Variants in GTF2A1 observed in about 807,000 individuals in gnomAD.
GTF2A1 encodes transcription initiation factor IIA subunit 1.
Under a neutral mutation model 54.1 loss-of-function variants are expected in GTF2A1, and 12 were observed. The observed-to-expected ratio is 0.22, with a 90% CI of 0.14 to 0.36. The LOEUF (loss-of-function observed/expected upper bound fraction) is 0.36, where lower values mean the gene tolerates loss of function less well. Ranked by LOEUF, GTF2A1 falls within the 10% of genes least tolerant of loss-of-function variation. The pLI, the probability that GTF2A1 is intolerant of heterozygous loss-of-function variation, is 1.00. For synonymous variants in GTF2A1, 145 were observed against 152.0 expected (o/e 0.95, Z 0.34); for missense variants, 335 against 442.2 (o/e 0.76, Z 2.17).
intron 7 of GTF2A1, among the ~76,000 whole-genome samples, chr14:81,187,071 T>C (rs1892765707): frequency 1.3e-5 from 2 of 152,286 alleles, no homozygotes; most frequent in South Asian, 4.1e-4. Flanking sequence ...AAAAATTTTC[T>C]ACACCAGGCG....
Position 81,195,632 on chromosome 14 carries a change from G to GAAA in GTF2A1, c.612+473_612+475dup, listed in dbSNP as rs34366586. Among the ~76,000 whole-genome samples the GAAA allele has an allele frequency of 9.2e-4, 109 of 118,496 alleles. 2 individuals carry two copies. Among genetic ancestry groups the GAAA allele is most frequent in the African/African-American group, 1.5e-3 (45 of 30,448 alleles). The allele number at this position is 118,496 out of a possible 152,430, so 77.7% of individuals were successfully genotyped here. A position where few individuals can be genotyped will look rare whatever the true frequency, so the allele number is the denominator to read the frequency against. On this transcript the variant is annotated intron_variant, in intron 6 of 8. Transcript: ENST00000553612. ...GGGTGAAAGAGCAAGACTCTGTCTC[G>GAAA]AAAAAAAAAAAAAAAAGAAAAGAAA...
intron 5 of GTF2A1, 145 bp from the exon 6 acceptor site, chr14:81,196,386 A>G: frequency 1.3e-6 from 1 of 769,284 alleles, no homozygotes; most frequent in Non-Finnish European, 2.1e-6. Flanking sequence ...TCATTCATAC[A>G]CAGTATGCAT....
At chr14:81,212,996 A>T (rs1219389653) in intron 2 of GTF2A1, among the ~76,000 whole-genome samples, 1 of 152,250 alleles carries the variant, frequency 6.6e-6, no homozygotes, top group African/African-American at 2.4e-5. Context: ...GAGAATTAAA[A>T]TAACAAACTC....
At chr14:81,217,691 C>T (rs922816538) in intron 1 of GTF2A1, among the ~76,000 whole-genome samples, 1 of 152,114 alleles carries the variant, frequency 6.6e-6, no homozygotes, top group African/African-American at 2.4e-5. Flanking sequence ...GCTTGGGAGG[C>T]TGAGGTGGGA....
chr14:81,206,377 T>A (rs1403159465), intron 2 of GTF2A1, among the ~76,000 whole-genome samples: 1 of 152,172 alleles, frequency 6.6e-6, no homozygotes, highest in Non-Finnish European at 1.5e-5. Flanking sequence ...ATGTAGTGAC[T>A]CAACTCTTGA....
At position 81,190,106 on chromosome 14, in the gene GTF2A1, T is replaced by C. The variant is rs372496872; in HGVS notation, c.933+2413A>G. On this transcript the variant is annotated intron_variant, in intron 7 of 8. Coordinates refer to ENST00000553612, the MANE Select transcript of GTF2A1 (RefSeq NM_015859.4). Reference sequence around the variant, plus strand: ...CATGATTAACTTCATGTTAATCAACTTGAAAATTTAGATAAATATATAGAG... The same window carrying C: ...CATGATTAACTTCATGTTAATCAACCTGAAAATTTAGATAAATATATAGAG... Among the ~76,000 whole-genome samples, 17 of 152,188 alleles carry C rather than the reference T, an allele frequency of 1.1e-4. No homozygotes were observed. The South Asian group carries it at 2.9e-3, about 26-fold the overall frequency.
rs544676915 is a variant in GTF2A1 at position 81,185,912 on chromosome 14, G to T, written c.934-292C>A. ...ACAGTCTCGCTCTGTAGCCAGGCTGGTGCAATCTCGGCTCACTGCAACCTC... is the reference window on the plus strand; with the variant it reads ...ACAGTCTCGCTCTGTAGCCAGGCTGTTGCAATCTCGGCTCACTGCAACCTC... On this transcript the variant is annotated intron_variant, in intron 7 of 8. Coordinates refer to ENST00000553612, the MANE Select transcript of GTF2A1 (RefSeq NM_015859.4). Among the ~76,000 whole-genome samples the T allele has an allele frequency of 9.8e-5, 15 of 152,302 alleles. 1 individual carries two copies. In the South Asian group the frequency reaches 3.1e-3, roughly 32 times the overall value.
chr14:81,206,451 G>A (rs1340809873), intron 2 of GTF2A1, among the ~76,000 whole-genome samples: 2 of 152,162 alleles, frequency 1.3e-5, no homozygotes, highest in Non-Finnish European at 2.9e-5. Flanking sequence ...CACTGTTACA[G>A]GCATTGAGAA....
At chr14:81,219,193 A>G (rs1358572875) in intron 1 of GTF2A1, among the ~76,000 whole-genome samples, 1 of 152,222 alleles carries the variant, frequency 6.6e-6, no homozygotes. Flanking sequence ...CAAAGAAGGC[A>G]AATCCTAGCT....
intron 1 of GTF2A1, among the ~76,000 whole-genome samples, chr14:81,217,323 T>C (rs963125253): frequency 6.6e-6 from 1 of 152,140 alleles, no homozygotes; most frequent in Non-Finnish European, 1.5e-5. Context: ...AACTACAAAG[T>C]GGGAGATAGA....
intron 6 of GTF2A1, among the ~76,000 whole-genome samples, chr14:81,195,711 A>C (rs1186061739): frequency 6.6e-6 from 1 of 152,056 alleles, no homozygotes; most frequent in Non-Finnish European, 1.5e-5. Flanking sequence ...GAGGTAAGGA[A>C]AAGGGAGGAT....
At chr14:81,193,880 G>A (rs1595214486) in intron 6 of GTF2A1, among the ~76,000 whole-genome samples, 1 of 152,026 alleles carries the variant, frequency 6.6e-6, no homozygotes, top group Non-Finnish European at 1.5e-5. Context: ...ATGCTTACAC[G>A]TGGTGTAACA....
intron 1 of GTF2A1, among the ~76,000 whole-genome samples, 186 bp downstream of exon 1, chr14:81,220,303 G>GC (rs1438514528): frequency 6.3e-5 from 9 of 142,216 alleles, no homozygotes; most frequent in African/African-American, 2.0e-4. Context: ...AGCCCTCGGC[G>GC]CCCCCCCGCG....
At chr14:81,180,753 TA>T (rs1000775489) in intron 8 of GTF2A1, among the ~76,000 whole-genome samples, 2 of 152,218 alleles carry the variant, frequency 1.3e-5, no homozygotes, top group Non-Finnish European at 2.9e-5. Flanking sequence ...TTAAAGTAGT[TA>T]AAAAATATTT....
At chr14:81,207,147 C>G (rs796214211) in intron 2 of GTF2A1, among the ~76,000 whole-genome samples, 206 of 40,074 alleles carry the variant, frequency 5.1e-3, no homozygotes, top group Non-Finnish European at 0.013. Flanking sequence ...ACGTACCTAC[C>G]TACCTACCTA....
intron 6 of GTF2A1, 141 bp from the exon 7 acceptor site, chr14:81,192,980 T>A (rs1892909538): frequency 1.6e-6 from 1 of 608,338 alleles, no homozygotes; most frequent in Non-Finnish European, 2.9e-6. Context: ...CAAAAGCAAT[T>A]AGTTTAACTA....
At chr14:81,196,840 CCT>C (rs1295448394) in intron 5 of GTF2A1, among the ~76,000 whole-genome samples, 3 of 151,990 alleles carry the variant, frequency 2.0e-5, no homozygotes, top group Non-Finnish European at 4.4e-5. Context: ...AAGACAAGCC[CCT>C]AATTTCACAA....
At position 81,179,431 on chromosome 14, in the gene GTF2A1, G is replaced by GTT. The variant is rs1259318460; in HGVS notation, c.*790_*791dup. On this transcript the variant is annotated 3_prime_UTR_variant, in exon 9 of 9. Transcript: ENST00000553612. ...TATATTCCTGAGGAGCTAGTTTGGG[G>GTT]TTTCTTTTTAAGGTGTGGCACTAAA... The GTT allele has an allele frequency of 6.6e-6, 1 of 152,172 alleles. No homozygotes were observed. The highest frequency in any genetic ancestry group is 2.4e-5 in the African/African-American group (1 of 41,442). 9.4% of individuals were successfully genotyped at this position (152,172 alleles called of 1,614,324 possible). A position where few individuals can be genotyped will look rare whatever the true frequency, so the allele number is the denominator to read the frequency against.
rs2140049131 is a variant in GTF2A1, at chr14:81,220,552, C to T, written c.-34G>A. On this transcript the variant is annotated 5_prime_UTR_variant, in exon 1 of 9. Coordinates refer to ENST00000553612, the MANE Select transcript of GTF2A1 (RefSeq NM_015859.4). ...ACAACACAAACAAGAGGGGGCAACC[C>T]CAAGAAAACAAGATAAAAACAAAAC... The T allele has an allele frequency of 6.5e-7, 1 of 1,532,914 alleles. No individual in the cohort carries two copies. Among genetic ancestry groups the T allele is most frequent in the Admixed American group, 2.0e-5 (1 of 50,046 alleles). The allele number at this position is 1,532,914 out of a possible 1,614,324, so 95.0% of individuals were successfully genotyped here.
Sources: allele counts gnomAD v4.1 joint callset (sites outside exome capture counted in the v4.1 genomes callset), GRCh38; gene constraint gnomAD v4.1.1; transcripts MANE v1.5; gene names NCBI Gene and HGNC (gene_info 2026-07-23, HGNC 2026-07-21).